The following TTC6 variants were observed in gnomAD, a reference collection of about 807,000 sequenced individuals.
TTC6 encodes the protein tetratricopeptide repeat protein 6.
Under a neutral mutation model 210.4 loss-of-function variants are expected in TTC6, and 172 were observed. That is an observed-to-expected ratio of 0.82 (90% CI 0.72 to 0.93). The LOEUF is 0.93. Ranked by LOEUF, TTC6 falls within the 40% of genes least tolerant of loss-of-function variation. The pLI is 0.00. For synonymous variants in TTC6, 804 were observed against 819.6 expected (o/e 0.98, Z 0.32); for missense variants, 2,414 against 2,318.1 (o/e 1.04, Z -0.85).
chr14:37,670,988 T>A (rs898116678), intron 1 of TTC6, among the ~76,000 whole-genome samples: 2 of 152,202 alleles, frequency 1.3e-5, no homozygotes, highest in Non-Finnish European at 2.9e-5. Flanking sequence ...GTGCAACAAA[T>A]CACCCCAAAA....
At chr14:37,735,158 T>C (rs533556062) in intron 7 of TTC6, among the ~76,000 whole-genome samples, 2 of 152,312 alleles carry the variant, frequency 1.3e-5, no homozygotes, top group South Asian at 4.1e-4. Context: ...TGGTGATTCC[T>C]AAGTTACCCA....
chr14:37,616,513 T>C (rs907208007), intron 2 of TTC6, among the ~76,000 whole-genome samples: 1 of 152,206 alleles, frequency 6.6e-6, no homozygotes, highest in African/African-American at 2.4e-5. Flanking sequence ...TATATGTTGC[T>C]GTGAGGAATT....
At chr14:37,825,600 C>T (rs958252522) in intron 27 of TTC6, among the ~76,000 whole-genome samples, 1 of 152,028 alleles carries the variant, frequency 6.6e-6, no homozygotes, top group Non-Finnish European at 1.5e-5. Context: ...GTTAACAATG[C>T]CCCTCTCCTG....
chr14:37,750,457 G>A (rs2095948418), intron 12 of TTC6, among the ~76,000 whole-genome samples: 1 of 152,034 alleles, frequency 6.6e-6, no homozygotes, highest in Non-Finnish European at 1.5e-5. Flanking sequence ...GATGATTAAA[G>A]GATTACGAAA....
At chr14:37,840,542 A>C (rs993840242) in intron 29 of TTC6, among the ~76,000 whole-genome samples, 6 of 152,214 alleles carry the variant, frequency 3.9e-5, no homozygotes, top group African/African-American at 1.2e-4. Flanking sequence ...AACAAAACAA[A>C]AAAAAAAGAA....
chr14:37,614,572 T>G (rs2095639577), intron 2 of TTC6, among the ~76,000 whole-genome samples: 1 of 152,218 alleles, frequency 6.6e-6, no homozygotes. Flanking sequence ...TCTGGTATCA[T>G]TTCTCTTCTG....
intron 22 of TTC6, 117 bp from the exon 25 acceptor site, chr14:37,807,203 T>C (rs66617416): frequency 0.17 from 162,178 of 951,842 alleles, 15,025 homozygotes; most frequent in East Asian, 0.39. Flanking sequence ...TTAAAAAGAC[T>C]ATATTTTAAT....
At chr14:37,659,805 C>G (rs177883) in intron 1 of TTC6, among the ~76,000 whole-genome samples, 9,293 of 152,198 alleles carry the variant, frequency 0.061, 394 homozygotes, top group Non-Finnish European at 0.089. Context: ...ACGGATGTGA[C>G]CCACCGCGCT....
At chr14:37,728,107 T>C (rs905993811) in intron 7 of TTC6, among the ~76,000 whole-genome samples, 6 of 152,154 alleles carry the variant, frequency 3.9e-5, no homozygotes, top group Admixed American at 1.3e-4. Flanking sequence ...AAGTGGGTCT[T>C]TTGAGGATTT....
intron 18 of TTC6, among the ~76,000 whole-genome samples, chr14:37,795,642 A>G (rs1172779805): frequency 2.0e-5 from 3 of 152,172 alleles, no homozygotes; most frequent in Non-Finnish European, 4.4e-5. Flanking sequence ...CACATATCTC[A>G]TAAGAGTAAG....
At chr14:37,806,146 G>A (rs1422511724) in intron 21 of TTC6, among the ~76,000 whole-genome samples, 1 of 152,090 alleles carries the variant, frequency 6.6e-6, no homozygotes, top group Non-Finnish European at 1.5e-5. Context: ...GGATTATGTA[G>A]ACCTAGTCTG....
chr14:37,599,013 T>G (rs2095610112), intron 1 of TTC6, among the ~76,000 whole-genome samples: 1 of 147,938 alleles, frequency 6.8e-6, no homozygotes, highest in East Asian at 2.0e-4. Context: ...CCTGTGGTCG[T>G]TAACGCGGTT....
chr14:37,715,799 G>A (rs922145322), intron 6 of TTC6, among the ~76,000 whole-genome samples: 4 of 152,238 alleles, frequency 2.6e-5, no homozygotes, highest in East Asian at 1.9e-4. Flanking sequence ...AGAAGGAAAC[G>A]AAGAGAATTT....
intron 11 of TTC6, 147 bp downstream of exon 13, chr14:37,749,548 G>A (rs2139022627): frequency 9.2e-7 from 1 of 1,087,530 alleles, no homozygotes; most frequent in Non-Finnish European, 1.2e-6. Flanking sequence ...GCATTTTCAA[G>A]TAATTAATAT....
At chr14:37,812,967 ATAAT>A (rs1366266954) in intron 25 of TTC6, among the ~76,000 whole-genome samples, 1 of 152,222 alleles carries the variant, frequency 6.6e-6, no homozygotes, top group Non-Finnish European at 1.5e-5. Context: ...TCATTAAAGA[ATAAT>A]TAAATAAAAT....
chr14:37,672,701 G>A (rs577190774), intron 1 of TTC6, among the ~76,000 whole-genome samples: 1 of 152,182 alleles, frequency 6.6e-6, no homozygotes, highest in Admixed American at 6.6e-5. Flanking sequence ...GAATGTCAAG[G>A]AATAAAGAAT....
intron 1 of TTC6, among the ~76,000 whole-genome samples, chr14:37,653,909 A>C (rs1014430019): frequency 1.3e-5 from 2 of 152,198 alleles, no homozygotes; most frequent in Non-Finnish European, 2.9e-5. Flanking sequence ...CACAAGAATA[A>C]ATAACCATCT....
At chr14:37,802,866 G>A (rs746443512) in intron 20 of TTC6, among the ~76,000 whole-genome samples, 1 of 151,836 alleles carries the variant, frequency 6.6e-6, no homozygotes, top group Non-Finnish European at 1.5e-5. Flanking sequence ...CTGACTAGCT[G>A]GGATTATAGG....
chr14:37,789,555 G>A (rs922423837), intron 15 of TTC6, among the ~76,000 whole-genome samples: 54 of 147,174 alleles, frequency 3.7e-4, no homozygotes, highest in African/African-American at 1.3e-3. Flanking sequence ...TAGGGGAAAC[G>A]ATTGATATTC....
Sources: allele counts gnomAD v4.1 joint callset (sites outside exome capture counted in the v4.1 genomes callset), GRCh38; gene constraint gnomAD v4.1.1; transcripts MANE v1.5; gene names NCBI Gene and HGNC (gene_info 2026-07-23, HGNC 2026-07-21).